The following SELENBP1 variants were observed in gnomAD, a reference collection of about 807,000 sequenced individuals.
SELENBP1 encodes methanethiol oxidase.
A neutral mutation model predicts 61.0 loss-of-function variants in SELENBP1; 71 were observed. That is an observed-to-expected ratio of 1.16 (90% CI 0.96 to 1.42). SELENBP1 has a LOEUF of 1.42. Among genes scored for constraint, SELENBP1 ranks in the 40% most tolerant of loss-of-function variants. The pLI is 0.00. For synonymous variants in SELENBP1, 270 were observed against 238.9 expected (o/e 1.13, Z -1.20); for missense variants, 561 against 605.0 (o/e 0.93, Z 0.76).
chr1:151,367,885 T>G (rs1270016655), intron 5 of SELENBP1, among the ~76,000 whole-genome samples: 1 of 152,178 alleles, frequency 6.6e-6, no homozygotes, highest in Non-Finnish European at 1.5e-5. Context: ...CAGGCTGGTT[T>G]GGAACTCCTG....
chr1:151,364,648 C>T lies in SELENBP1; in HGVS notation c.1314G>A (p.Leu438=), dbSNP rs1651701472. ...CGAAGTCCACCAGGAAGTTGGGGTT[C>T]AACTTCAGCCCTCCTTTTACTGTGT... ...DVDTVKGGLK[L]NPNFLVDFGK... is the part of the protein sequence containing the mutation. The change falls in exon 12 of 12, where the codon TTG becomes TTA. Residue 438 remains leucine (L), a synonymous_variant. Transcript: ENST00000368868. 2 of 1,612,506 alleles carry T rather than the reference C, an allele frequency of 1.2e-6. No homozygotes were observed. Among genetic ancestry groups the T allele is most frequent in the East Asian group, 2.2e-5 (1 of 44,870 alleles).
chr1:151,366,713 G>A lies in SELENBP1; in HGVS notation c.664+9C>T. The A allele has an allele frequency of 6.2e-7, 1 of 1,611,910 alleles. No homozygotes were observed. The highest frequency in any genetic ancestry group is 8.5e-7 in the Non-Finnish European group (1 of 1,178,328). On this transcript the variant is annotated intron_variant, in intron 6 of 11. Transcript: ENST00000368868. Reference sequence around the variant, plus strand: ...CAAGGCTCCTGCTGGCACATGGGGGGATTCTCACCAGCCTCCACATCAGCG... The same window carrying A: ...CAAGGCTCCTGCTGGCACATGGGGGAATTCTCACCAGCCTCCACATCAGCG...
chr1:151,372,331 G>T (rs981458289), intron 1 of SELENBP1, among the ~76,000 whole-genome samples: 1 of 152,176 alleles, frequency 6.6e-6, no homozygotes, highest in Admixed American at 6.5e-5. Context: ...TTCTAAGAGC[G>T]CCCATCTGAT....
At chr1:151,368,659 C>T (rs941360238) in intron 4 of SELENBP1, among the ~76,000 whole-genome samples, 1 of 152,216 alleles carries the variant, frequency 6.6e-6, no homozygotes, top group African/African-American at 2.4e-5. Flanking sequence ...ACAGTAAATG[C>T]CTGGCACCAA....
At chr1:151,370,088 A>G in intron 1 of SELENBP1, 1 of 1,141,320 alleles carries the variant, frequency 8.8e-7, no homozygotes, top group Non-Finnish European at 1.2e-6. Flanking sequence ...GCCCAACCCC[A>G]GCCCACCACT....
rs1651758691 is a variant in SELENBP1, at chr1:151,365,471, A to T, written c.1044+92T>A. 2.3e-5 allele frequency: 37 copies of T among 1,589,226 alleles called. No individual in the cohort carries two copies. The South Asian group carries it at 4.1e-4, about 18-fold the overall frequency. On this transcript the variant is annotated intron_variant, in intron 9 of 11. Coordinates refer to ENST00000368868, the MANE Select transcript of SELENBP1 (RefSeq NM_003944.4). ...GTCTGCTTTTCCTGCACCTCCCTCA[A>T]CATCCTGCAGCTGCTTCAGATCATC...
At position 151,366,449 on chromosome 1, in the gene SELENBP1, C is replaced by A; in HGVS notation, c.669G>T (p.Leu223=). Residue 223 remains leucine (L), a synonymous_variant, in exon 7 of 12, where the codon CTG becomes CTT. Coordinates refer to ENST00000368868, the MANE Select transcript of SELENBP1 (RefSeq NM_003944.4). Reference sequence around the variant, plus strand: ...CCCATACATATAAGTGGCTCCCGTACAGTCCTGGGGTGGGAGTGGGGCCGG... The same window carrying A: ...CCCATACATATAAGTGGCTCCCGTAAAGTCCTGGGGTGGGAGTGGGGCCGG... ...GFNPADVEAG[L]YGSHLYVWDW... The A allele has an allele frequency of 1.2e-6, 2 of 1,613,414 alleles. No homozygotes were observed. Among genetic ancestry groups the A allele is most frequent in the East Asian group, 4.5e-5 (2 of 44,878 alleles).
intron 3 of SELENBP1, 60 bp from the exon 4 acceptor site, chr1:151,369,249 G>GGC: frequency 1.3e-6 from 2 of 1,523,208 alleles, no homozygotes; most frequent in South Asian, 2.3e-5. Context: ...TTTTGGAAGA[G>GGC]GCGCCCTGTG....
chr1:151,365,887 G>T, intron 7 of SELENBP1, 41 bp from the exon 8 acceptor site: 1 of 1,607,026 alleles, frequency 6.2e-7, no homozygotes, highest in African/African-American at 1.3e-5. Flanking sequence ...TGGCAGAGAG[G>T]TCAGCCTATC....
In SELENBP1 at chr1:151,364,578, G is replaced by T. The variant is rs1269733411; in HGVS notation, c.1384C>A (p.Pro462Thr). The change falls in exon 12 of 12, where the codon CCT becomes ACT. Residue 462 changes from proline to threonine, a missense_variant. Transcript: ENST00000368868. ...ATGTCAGAGCTACAATCGCCCCCAG[G>T]GTAGCGGAGCTCATGGGCAAGGGCT... ...GPALAHELRYPGGDCSSDIWI is the reference protein window; with the variant it reads ...GPALAHELRYTGGDCSSDIWI 1.2e-6 allele frequency: 2 copies of T among 1,614,044 alleles called. No homozygotes were observed. Among genetic ancestry groups the T allele is most frequent in the Non-Finnish European group, 1.7e-6 (2 of 1,180,026 alleles).
In SELENBP1 at chr1:151,364,696, A is replaced by G. The variant is rs1651705629; in HGVS notation, c.1266T>C (p.Ser422=). 1.9e-6 allele frequency: 3 copies of G among 1,586,356 alleles called. No individual in the cohort carries two copies. Among genetic ancestry groups the G allele is most frequent in the Non-Finnish European group, 2.6e-6 (3 of 1,164,436 alleles). The change falls in exon 12 of 12, where the codon TCT becomes TCC. Residue 422 remains serine (S), a synonymous_variant. Transcript: ENST00000368868. ...TGTCTACATCAACCTGCAGCATCAC[A>G]GAGCCTTCCCTGGTGGAAAAGGGAA... ...QFYPDLIREG[S]VMLQVDVDTV...
chr1:151,366,901 C>G lies in SELENBP1; in HGVS notation c.485G>C (p.Gly162Ala). The G allele has an allele frequency of 1.2e-6, 2 of 1,613,528 alleles. No individual in the cohort carries two copies. Among genetic ancestry groups the G allele is most frequent in the Admixed American group, 1.7e-5 (1 of 59,986 alleles). The change falls in exon 6 of 12, where the codon GGT becomes GCT. Residue 162 changes from glycine to alanine, a missense_variant. Gly to Ala is a moderately conservative substitution (Grantham distance 60, BLOSUM62 0). Coordinates refer to ENST00000368868, the MANE Select transcript of SELENBP1 (RefSeq NM_003944.4). Reference sequence around the variant, plus strand: ...CGTCTCCCCATCCAGCAGCACAAAACCCCCTGAACAGGGAAGGAAGCAGGG... The same window carrying G: ...CGTCTCCCCATCCAGCAGCACAAAAGCCCCTGAACAGGGAAGGAAGCAGGG... ...LGDVKGNGKG[G>A]FVLLDGETFE...
In SELENBP1 at chr1:151,364,383, G is replaced by A; in HGVS notation, c.*160C>T. The stretch of plus-strand genomic sequence containing the variant: ...GCAGCACAGTGAGCAACAAGCAACA[G>A]TGGTCAGTAAATGTATATGACTCAA... On this transcript the variant is annotated 3_prime_UTR_variant, in exon 12 of 12. Transcript: ENST00000368868. 1.2e-6 allele frequency: 1 copy of A among 808,906 alleles called. No homozygotes were observed. The highest frequency in any genetic ancestry group is 2.0e-6 in the Non-Finnish European group (1 of 499,788). The allele number at this position is 808,906 out of a possible 1,614,324, so 50.1% of individuals were successfully genotyped here. A position where few individuals can be genotyped will look rare whatever the true frequency, so the allele number is the denominator to read the frequency against.
rs754224836 is a variant in SELENBP1 at position 151,366,415 on chromosome 1, G to A, written c.703C>T (p.Arg235Cys). Residue 235 changes from arginine to cysteine, a missense_variant, in exon 7 of 12, where the codon CGC becomes TGC. Transcript: ENST00000368868. ...GACAGGGTCTGCACAATCTCATGGCGCTGCCAGTCCCATACATATAAGTGG... is the reference window on the plus strand; with the variant it reads ...GACAGGGTCTGCACAATCTCATGGCACTGCCAGTCCCATACATATAAGTGG... The part of the protein sequence containing the change: ...GSHLYVWDWQ[R>C]HEIVQTLSLK... 5.6e-6 allele frequency: 9 copies of A among 1,613,886 alleles called. No individual in the cohort carries two copies. Among genetic ancestry groups the A allele is most frequent in the African/African-American group, 4.0e-5 (3 of 74,928 alleles).
At chr1:151,365,929 G>C in intron 7 of SELENBP1, 83 bp from the exon 8 acceptor site, 1 of 1,440,614 alleles carries the variant, frequency 6.9e-7, no homozygotes, top group Non-Finnish European at 9.6e-7. Context: ...GATCTGGGTT[G>C]CCCAGACCTG....
Position 151,364,937 on chromosome 1 carries a change from A to G in SELENBP1, c.1245T>C (p.Pro415=). 9 of 1,613,774 alleles carry G rather than the reference A, an allele frequency of 5.6e-6. No homozygotes were observed. The highest frequency in any genetic ancestry group is 7.6e-6 in the Non-Finnish European group (9 of 1,179,748). The change falls in exon 11 of 12, where the codon CCT becomes CCC. Residue 415 remains proline, a synonymous_variant. Coordinates refer to ENST00000368868, the MANE Select transcript of SELENBP1 (RefSeq NM_003944.4). ...TGTCTGCTTCTCACCTGATGAGATCAGGGTAAAACTGCTTGTCCCAGGCAC... is the reference window on the plus strand; with the variant it reads ...TGTCTGCTTCTCACCTGATGAGATCGGGGTAAAACTGCTTGTCCCAGGCAC... The part of the protein sequence containing the change: ...LYSAWDKQFY[P]DLIREGSVML...
At position 151,365,787 on chromosome 1, in the gene SELENBP1, C is replaced by T. The variant is rs1254302830; in HGVS notation, c.903G>A (p.Trp301Ter). ...ACTCACCTGGCATTTCGGGCAGCAG[C>T]CAGCCCTTCACTTTCTTGGGGGGCA... ...IQVPPKKVKG[W>*]LLPEMPGLIT... Residue 301 changes from tryptophan to a stop codon, truncating the protein, a stop_gained, in exon 8 of 12, where the codon TGG (tryptophan) becomes TGA (stop). Coordinates refer to ENST00000368868, the MANE Select transcript of SELENBP1 (RefSeq NM_003944.4). LOFTEE classifies it high-confidence loss of function. 1.2e-6 allele frequency: 2 copies of T among 1,614,090 alleles called. No homozygotes were observed. The highest frequency in any genetic ancestry group is 4.5e-5 in the East Asian group (2 of 44,896).
At chr1:151,369,373 G>A (rs940957020) in intron 3 of SELENBP1, 69 bp downstream of exon 3, 7 of 1,479,820 alleles carry the variant, frequency 4.7e-6, no homozygotes, top group African/African-American at 4.2e-5. Flanking sequence ...AGCTGGGAAG[G>A]GGGGGCCCAG....
rs745491105 is a variant in SELENBP1 at position 151,369,762 on chromosome 1, T to C, written c.12A>G (p.Lys4=). ...AGTAGCCGGGTCCACAATTCCCACA[T>C]TTCGTAGCTGTGGAAGCAATGGGGC... MAT[K]CGNCGPGYST... The change falls in exon 2 of 12, where the codon AAA becomes AAG. Residue 4 remains lysine, a synonymous_variant. Coordinates refer to ENST00000368868, the MANE Select transcript of SELENBP1 (RefSeq NM_003944.4). 104 of 1,552,288 alleles carry C rather than the reference T, an allele frequency of 6.7e-5. No individual in the cohort carries two copies. The highest frequency in any genetic ancestry group is 8.8e-5 in the Non-Finnish European group (101 of 1,147,382).
Sources: gnomAD v4.1 joint callset for allele counts (sites outside exome capture counted in the v4.1 genomes callset) on GRCh38, gnomAD v4.1.1 for gene constraint, MANE v1.5 for transcripts, NCBI Gene and HGNC (gene_info 2026-07-23, HGNC 2026-07-21) for gene names.